Variants in VAPB observed in about 807,000 individuals in gnomAD.
The protein encoded by VAPB is vesicle-associated membrane protein-associated protein B/C.
In VAPB, 7 loss-of-function variants were observed where a neutral mutation model predicts 25.6. The ratio of observed to expected loss-of-function variants is 0.27; its 90% CI spans 0.16 to 0.51. VAPB has a LOEUF of 0.51. VAPB is among the 20% of genes least tolerant of loss of function. VAPB has a pLI of 0.97. For missense variants in VAPB, 266 were observed against 301.3 expected, an observed-to-expected ratio of 0.88 and a Z score of 0.87; for synonymous variants, 112 against 109.2, an observed-to-expected ratio of 1.03 and a Z score of -0.16.
At chr20:58,425,494 C>T (rs546168409) in intron 2 of VAPB, among the ~76,000 whole-genome samples, 1 of 152,312 alleles carries the variant, frequency 6.6e-6, no homozygotes, top group South Asian at 2.1e-4. Flanking sequence ...AGAATGTGAG[C>T]TATTAAAACA....
intron 2 of VAPB, among the ~76,000 whole-genome samples, chr20:58,430,744 T>G (rs1988909189): frequency 6.6e-6 from 1 of 151,730 alleles, no homozygotes; most frequent in South Asian, 2.1e-4. Context: ...CCCAGATAAT[T>G]TTTGTATTTT....
intron 1 of VAPB, among the ~76,000 whole-genome samples, chr20:58,407,883 C>G (rs4810131): frequency 0.46 from 69,579 of 151,922 alleles, 16,146 homozygotes; most frequent in East Asian, 0.59. Flanking sequence ...TATATATTTT[C>G]AATTCTGGCC....
Position 58,445,862 on chromosome 20 carries a change from T to C in VAPB, c.*1627T>C, listed in dbSNP as rs777075747. 1.8e-5 allele frequency: 8 copies of C among 454,002 alleles called. No homozygotes were observed. Among genetic ancestry groups the C allele is most frequent in the South Asian group, 1.1e-4 (7 of 64,470 alleles). The allele number at this position is 454,002 out of a possible 1,614,324, so 28.1% of individuals were successfully genotyped here. ...CCTTCTAGGTCAGGGAACCATGCCA[T>C]TGAGACTAGTAACGGGCGTTCTGGG... On this transcript the variant is annotated 3_prime_UTR_variant, in exon 6 of 6. Coordinates refer to ENST00000475243, the MANE Select transcript of VAPB (RefSeq NM_004738.5).
At position 58,434,648 on chromosome 20, in the gene VAPB, C is replaced by G; in HGVS notation, c.258C>G (p.His86Gln). The G allele has an allele frequency of 3.7e-6, 6 of 1,601,640 alleles. No individual in the cohort carries two copies. The highest frequency in any genetic ancestry group is 5.1e-6 in the Non-Finnish European group (6 of 1,169,082). Residue 86 changes from histidine to glutamine, a missense_variant, in exon 3 of 6, where the codon CAC (histidine) becomes CAG (glutamine). This residue lies in a region of VAPB where 98 missense variants were observed against 147.1 expected (regional missense o/e 0.67). Transcript: ENST00000475243. ...ATGATCCCAATGAGAAAAGTAAACACAAGTTTATGGTTCAGTCTATGTTTG... is the reference window on the plus strand; with the variant it reads ...ATGATCCCAATGAGAAAAGTAAACAGAAGTTTATGGTTCAGTCTATGTTTG... ...FDYDPNEKSK[H>Q]KFMVQSMFAP...
At chr20:58,421,762 GTC>G (rs1488361970) in intron 2 of VAPB, among the ~76,000 whole-genome samples, 1 of 152,162 alleles carries the variant, frequency 6.6e-6, no homozygotes, top group Non-Finnish European at 1.5e-5. Context: ...TGGTAATGAT[GTC>G]TGCCCATGGA....
At chr20:58,389,612 C>G in intron 1 of VAPB, 95 bp downstream of exon 1, 1 of 1,342,410 alleles carries the variant, frequency 7.4e-7, no homozygotes, top group South Asian at 1.4e-5. Context: ...GGCCCTCGTC[C>G]CCACCCCGAC....
chr20:58,390,734 C>T (rs1401795182), intron 1 of VAPB, among the ~76,000 whole-genome samples: 1 of 152,152 alleles, frequency 6.6e-6, no homozygotes, highest in Non-Finnish European at 1.5e-5. Flanking sequence ...CAGAGGCTCT[C>T]CAGTTTATAT....
rs1989372961 is a variant in VAPB at position 58,449,175 on chromosome 20, G to A, written c.*4940G>A. 1 of 454,022 alleles carries A rather than the reference G, an allele frequency of 2.2e-6. No homozygotes were observed. The highest frequency in any genetic ancestry group is 2.0e-5 in the African/African-American group (1 of 50,010). 28.1% of individuals were successfully genotyped at this position (454,022 alleles called of 1,614,324 possible). A position where few individuals can be genotyped will look rare whatever the true frequency, so the allele number is the denominator to read the frequency against. On this transcript the variant is annotated 3_prime_UTR_variant, in exon 6 of 6. Transcript: ENST00000475243. ...CCAGCTTCACAGACCTCTTCCTCCA[G>A]CCTCTGAATCCCATTAGCCACAGCC...
intron 1 of VAPB, among the ~76,000 whole-genome samples, chr20:58,405,264 C>G (rs1307311754): frequency 6.6e-6 from 1 of 151,930 alleles, no homozygotes; most frequent in African/African-American, 2.4e-5. Flanking sequence ...GATGGAAGGG[C>G]AGGTGCAAGG....
In VAPB at chr20:58,449,466, GTTTAT is replaced by G. The variant is rs546553846; in HGVS notation, c.*5233_*5237del. On this transcript the variant is annotated 3_prime_UTR_variant, in exon 6 of 6. Coordinates refer to ENST00000475243, the MANE Select transcript of VAPB (RefSeq NM_004738.5). ...AGATTTTTTTTTCTTAATGGAATTA[GTTTAT>G]TAGAAAATGTCTGTGTTAAATCCGT... The G allele has an allele frequency of 2.4e-4, 109 of 450,496 alleles. No homozygotes were observed. Among genetic ancestry groups the G allele is most frequent in the Non-Finnish European group, 4.6e-4 (105 of 225,820 alleles). 27.9% of individuals were successfully genotyped at this position (450,496 alleles called of 1,614,324 possible). A position where few individuals can be genotyped will look rare whatever the true frequency, so the allele number is the denominator to read the frequency against.
chr20:58,398,720 T>C (rs955729947), intron 1 of VAPB, among the ~76,000 whole-genome samples: 1 of 152,208 alleles, frequency 6.6e-6, no homozygotes, highest in African/African-American at 2.4e-5. Flanking sequence ...TTCTAAGCGT[T>C]CATTTATTTA....
At chr20:58,423,739 C>T (rs1044207257) in intron 2 of VAPB, among the ~76,000 whole-genome samples, 1 of 152,150 alleles carries the variant, frequency 6.6e-6, no homozygotes, top group East Asian at 1.9e-4. Context: ...CAGCAACATT[C>T]TTCTTTGTTT....
chr20:58,449,371 T>TA lies in VAPB; in HGVS notation c.*5137dup, dbSNP rs1211682864. On this transcript the variant is annotated 3_prime_UTR_variant, in exon 6 of 6. Transcript: ENST00000475243. ...AAAGACATGAACTCACATAAACAGT[T>TA]ATGGATGATAGTTAAAAGAGAAACG... 2.2e-6 allele frequency: 1 copy of TA among 453,702 alleles called. No homozygotes were observed. The highest frequency in any genetic ancestry group is 4.4e-6 in the Non-Finnish European group (1 of 226,730). The allele number at this position is 453,702 out of a possible 1,614,324, so 28.1% of individuals were successfully genotyped here.
chr20:58,406,674 A>G (rs949509510), intron 1 of VAPB, among the ~76,000 whole-genome samples: 1 of 152,184 alleles, frequency 6.6e-6, no homozygotes, highest in Admixed American at 6.5e-5. Context: ...ATCTCCACTA[A>G]AGATGGAACA....
At position 58,448,203 on chromosome 20, in the gene VAPB, C is replaced by T. The variant is rs149967447; in HGVS notation, c.*3968C>T. On this transcript the variant is annotated 3_prime_UTR_variant, in exon 6 of 6. Coordinates refer to ENST00000475243, the MANE Select transcript of VAPB (RefSeq NM_004738.5). ...CTGCAAAGTATATAGATGGATGACT[C>T]TAGTTCATGACATACAAATCCCATA... The T allele has an allele frequency of 7.2e-4, 327 of 454,026 alleles. No homozygotes were observed. The highest frequency in any genetic ancestry group is 5.7e-3 in the African/African-American group (286 of 50,090). 28.1% of individuals were successfully genotyped at this position (454,026 alleles called of 1,614,324 possible). A position where few individuals can be genotyped will look rare whatever the true frequency, so the allele number is the denominator to read the frequency against.
In VAPB at chr20:58,436,992, CTTTTTT is replaced by C. The variant is rs34944837; in HGVS notation, c.316-1933_316-1928del. On this transcript the variant is annotated intron_variant, in intron 3 of 5. Transcript: ENST00000475243. Reference sequence around the variant, plus strand: ...ACCTTTTTGTTTTTCAAACTTTGAACTTTTTTTTTTTTTTTTTTTTTTTTTGAGACA... The same window carrying C: ...ACCTTTTTGTTTTTCAAACTTTGAACTTTTTTTTTTTTTTTTTTTGAGACA... 2.5e-4 allele frequency among the ~76,000 whole-genome samples: 19 copies of C among 77,432 alleles called. No homozygotes were observed. The South Asian group carries it at 7.6e-3, about 31-fold the overall frequency. The allele number at this position is 77,432 out of a possible 152,430, so 50.8% of individuals were successfully genotyped here. A position where few individuals can be genotyped will look rare whatever the true frequency, so the allele number is the denominator to read the frequency against.
chr20:58,414,672 C>T (rs1029582128), intron 1 of VAPB, among the ~76,000 whole-genome samples: 37 of 151,200 alleles, frequency 2.4e-4, no homozygotes, highest in African/African-American at 8.6e-4. Context: ...GTGATGGCGG[C>T]CGGAAAGAGG....
At chr20:58,427,065 G>A (rs946397755) in intron 2 of VAPB, among the ~76,000 whole-genome samples, 17 of 151,530 alleles carry the variant, frequency 1.1e-4, no homozygotes, top group Admixed American at 7.2e-4. Context: ...TGATGCAGAC[G>A]AAAGTGATCC....
At chr20:58,400,774 G>T (rs1988078432) in intron 1 of VAPB, among the ~76,000 whole-genome samples, 2 of 152,226 alleles carry the variant, frequency 1.3e-5, no homozygotes, top group African/African-American at 2.4e-5. Context: ...AATAAAAAGA[G>T]AAATTTGCTG....
Sources: allele counts gnomAD v4.1 joint callset (sites outside exome capture counted in the v4.1 genomes callset), GRCh38; gene constraint gnomAD v4.1.1; regional missense constraint gnomAD v4.1.1; transcripts MANE v1.5; gene names NCBI Gene and HGNC (gene_info 2026-07-23, HGNC 2026-07-21).